The following D2HGDH variants were observed in gnomAD, a reference collection of about 807,000 sequenced individuals.
D2HGDH encodes the protein D-2-hydroxyglutarate dehydrogenase, mitochondrial.
Under a neutral mutation model 46.9 loss-of-function variants are expected in D2HGDH, and 31 were observed. That is an observed-to-expected ratio of 0.66 (90% confidence interval 0.50 to 0.89). The LOEUF is 0.89. Among genes scored for constraint, D2HGDH ranks in the 40% least tolerant of loss-of-function variants. The probability of loss-of-function intolerance (pLI) is 0.00; values close to 1 mark genes in which losing one functional copy is unlikely to be tolerated. For missense variants in D2HGDH, 698 were observed against 720.8 expected (o/e 0.97, Z 0.36); for synonymous variants, 364 against 332.6 (o/e 1.09, Z -1.03).
At chr2:241,740,666 G>A (rs1311954012) in intron 2 of D2HGDH, among the ~76,000 whole-genome samples, 1 of 152,210 alleles carries the variant, frequency 6.6e-6, no homozygotes. Flanking sequence ...CTCTCTGGGG[G>A]CTGGGCATGG....
intron 5 of D2HGDH, among the ~76,000 whole-genome samples, 190 bp from the exon 6 acceptor site, chr2:241,744,519 G>A (rs947470497): frequency 1.3e-5 from 2 of 152,192 alleles, no homozygotes; most frequent in Non-Finnish European, 2.9e-5. Flanking sequence ...CACTGCCCCC[G>A]ACCCCGGGCG....
In D2HGDH at chr2:241,768,783, T is replaced by TGTCCA. The variant is rs1699343232; in HGVS notation, c.*817_*821dup. On this transcript the variant is annotated 3_prime_UTR_variant, in exon 10 of 10. Transcript: ENST00000321264. ...GATGCACATCTCATTCTGTCATGAATGTCCAGTAAAAATCTGAATTGGTTG... is the reference window on the plus strand; with the variant it reads ...GATGCACATCTCATTCTGTCATGAATGTCCAGTCCAGTAAAAATCTGAATTGGTTG... 1 of 152,276 alleles carries TGTCCA rather than the reference T, an allele frequency of 6.6e-6. No individual in the cohort carries two copies. The highest frequency in any genetic ancestry group is 1.5e-5 in the Non-Finnish European group (1 of 68,068). The allele number at this position is 152,276 out of a possible 1,614,324, so 9.4% of individuals were successfully genotyped here.
intron 6 of D2HGDH, among the ~76,000 whole-genome samples, chr2:241,746,377 AG>A (rs1490813021): frequency 1.3e-5 from 2 of 152,158 alleles, no homozygotes; most frequent in African/African-American, 4.8e-5. Flanking sequence ...TGATTATGAA[AG>A]TTTTTATTTC....
intron 5 of D2HGDH, among the ~76,000 whole-genome samples, chr2:241,744,022 G>A (rs1695225846): frequency 6.6e-6 from 1 of 152,230 alleles, no homozygotes; most frequent in Admixed American, 6.5e-5. Flanking sequence ...ACGAGAGGGT[G>A]ATTTTGTGTC....
intron 2 of D2HGDH, 34 bp from the exon 3 acceptor site, chr2:241,740,999 C>A (rs778721523): frequency 1.8e-5 from 29 of 1,596,126 alleles, no homozygotes; most frequent in African/African-American, 4.0e-5. Flanking sequence ...CAGCTCCCCC[C>A]ACGCTGTCTC....
Position 241,767,999 on chromosome 2 carries a change from T to C in D2HGDH, c.*30T>C, listed in dbSNP as rs777156202. 6.4e-7 allele frequency: 1 copy of C among 1,562,266 alleles called. No individual in the cohort carries two copies. ...CACTCCTGCTGCTGCCAAGGCCCACTGGGGGTCGGCGGGTGGCTCTCGGGC... is the reference window on the plus strand; with the variant it reads ...CACTCCTGCTGCTGCCAAGGCCCACCGGGGGTCGGCGGGTGGCTCTCGGGC... On this transcript the variant is annotated 3_prime_UTR_variant, in exon 10 of 10. Transcript: ENST00000321264.
At position 241,744,972 on chromosome 2, in the gene D2HGDH, A is replaced by ACCCCCCC. The variant is rs368566208; in HGVS notation, c.853+101_853+102insCCCCCCC. The stretch of plus-strand genomic sequence containing the variant: ...TTGGTGTGAGGAAGGGGATGGAGGG[A>ACCCCCCC]CCCCCCGCCAAGGACAGTCGGTTCC... On this transcript the variant is annotated intron_variant, in intron 6 of 9. Transcript: ENST00000321264. 62 of 1,344,044 alleles carry ACCCCCCC rather than the reference A, an allele frequency of 4.6e-5. No homozygotes were observed. The African/African-American group carries it at 8.8e-4, about 19-fold the overall frequency. The allele number at this position is 1,344,044 out of a possible 1,614,324, so 83.3% of individuals were successfully genotyped here. A position where few individuals can be genotyped will look rare whatever the true frequency, so the allele number is the denominator to read the frequency against.
intron 2 of D2HGDH, chr2:241,736,190 A>AAAAT (rs1436373835): frequency 2.0e-5 from 3 of 152,380 alleles, no homozygotes; most frequent in African/African-American, 7.2e-5. Flanking sequence ...TCTAAAAATA[A>AAAAT]AAATAAATAA....
At chr2:241,760,898 C>T (rs1485955126) in intron 9 of D2HGDH, among the ~76,000 whole-genome samples, 2 of 152,352 alleles carry the variant, frequency 1.3e-5, no homozygotes, top group African/African-American at 2.4e-5. Context: ...TGTCATCTCC[C>T]TGTGTCTCAG....
intron 6 of D2HGDH, among the ~76,000 whole-genome samples, chr2:241,746,833 G>C (rs1031311464): frequency 6.6e-6 from 1 of 151,692 alleles, no homozygotes; most frequent in African/African-American, 2.4e-5. Context: ...GGTTACAGTG[G>C]GCTGAGATCA....
intron 5 of D2HGDH, among the ~76,000 whole-genome samples, chr2:241,744,032 C>T (rs1165593240): frequency 6.6e-6 from 1 of 152,200 alleles, no homozygotes; most frequent in Non-Finnish European, 1.5e-5. Context: ...GATTTTGTGT[C>T]CACTGCCTCG....
Position 241,743,947 on chromosome 2 carries a change from C to T in D2HGDH, c.684+132C>T, listed in dbSNP as rs1336658619. The T allele has an allele frequency of 1.8e-5, 18 of 1,026,004 alleles. No individual in the cohort carries two copies. Among genetic ancestry groups the T allele is most frequent in the Non-Finnish European group, 2.6e-5 (18 of 700,418 alleles). 63.6% of individuals were successfully genotyped at this position (1,026,004 alleles called of 1,614,324 possible). On this transcript the variant is annotated intron_variant, in intron 5 of 9. Coordinates refer to ENST00000321264, the MANE Select transcript of D2HGDH (RefSeq NM_152783.5). The surrounding 1 kb of genome is among the most constrained non-coding windows in gnomAD (Gnocchi z 4.8). ...GGTCTTGGTTCCTGGCCCTGGGCCCCTCAAGGATGTGTGGGCTACATACAC... is the reference window on the plus strand; with the variant it reads ...GGTCTTGGTTCCTGGCCCTGGGCCCTTCAAGGATGTGTGGGCTACATACAC...
At position 241,742,539 on chromosome 2, in the gene D2HGDH, G is replaced by A. The variant is rs374397125; in HGVS notation, c.455G>A (p.Arg152His). Residue 152 changes from arginine to histidine, a missense_variant, in exon 4 of 10, where the codon CGC becomes CAC. Arg to His is a conservative substitution (Grantham distance 29). Coordinates refer to ENST00000321264, the MANE Select transcript of D2HGDH (RefSeq NM_152783.5). The surrounding 1 kb of genome is among the most constrained non-coding windows in gnomAD (Gnocchi z 4.8). ...VFDEIILSTARMNRVLSFHSV... is the reference protein window; with the variant it reads ...VFDEIILSTAHMNRVLSFHSV... ...GACGAGATCATCCTCTCCACTGCCCGCATGAACCGGGTCCTCAGCTTCCAC... is the reference window on the plus strand; with the variant it reads ...GACGAGATCATCCTCTCCACTGCCCACATGAACCGGGTCCTCAGCTTCCAC... 6.1e-5 allele frequency: 98 copies of A among 1,613,978 alleles called. No individual in the cohort carries two copies. The highest frequency in any genetic ancestry group is 8.0e-5 in the African/African-American group (6 of 74,902).
rs1447974442 is a variant in D2HGDH, at chr2:241,744,768, C to G, written c.744C>G (p.Gly248=). 1.2e-6 allele frequency: 2 copies of G among 1,614,232 alleles called. No homozygotes were observed. Among genetic ancestry groups the G allele is most frequent in the South Asian group, 1.1e-5 (1 of 91,086 alleles). The change falls in exon 6 of 10, where the codon GGC becomes GGG. Residue 248 remains glycine, a synonymous_variant. Coordinates refer to ENST00000321264, the MANE Select transcript of D2HGDH (RefSeq NM_152783.5). ...CCTCCCTGAGGAAGGACAACACGGG[C>G]TATGACCTGAAGCAGCTGTTCATCG... ...CLTSLRKDNT[G]YDLKQLFIGS...
intron 9 of D2HGDH, among the ~76,000 whole-genome samples, chr2:241,756,831 T>G (rs1249971346): frequency 6.6e-6 from 1 of 152,158 alleles, no homozygotes; most frequent in Non-Finnish European, 1.5e-5. Context: ...TGTTTTCCTG[T>G]CAGTTCTTTG....
chr2:241,761,686 G>T (rs1415448275), intron 9 of D2HGDH, among the ~76,000 whole-genome samples: 1 of 152,176 alleles, frequency 6.6e-6, no homozygotes, highest in Non-Finnish European at 1.5e-5. Flanking sequence ...CCTGCATGCT[G>T]TTCGGTGGTG....
In D2HGDH at chr2:241,767,878, CG is replaced by C. The variant is rs1488853142; in HGVS notation, c.1480del (p.Ala494ProfsTer186). On this transcript the variant is annotated frameshift_variant, in exon 10 of 10. Transcript: ENST00000321264. LOFTEE classifies it high-confidence loss of function. ...KRDVLGYSKP[P>X]GALQLMQQLK... ...GACGTCCTGGGCTACAGCAAGCCAC[CG>C]GGGGCCCTGCAGCTCATGCAGCAGC... 1.9e-6 allele frequency: 3 copies of C among 1,608,692 alleles called. No homozygotes were observed. The highest frequency in any genetic ancestry group is 1.7e-6 in the Non-Finnish European group (2 of 1,178,040).
rs1342968379 is a variant in D2HGDH, at chr2:241,742,545, A to G, written c.461A>G (p.Asn154Ser). Residue 154 changes from asparagine to serine, a missense_variant, in exon 4 of 10, where the codon AAC becomes AGC. Coordinates refer to ENST00000321264, the MANE Select transcript of D2HGDH (RefSeq NM_152783.5). The surrounding 1 kb of genome is among the most constrained non-coding windows in gnomAD (Gnocchi z 4.8). ...DEIILSTARM[N>S]RVLSFHSVSG... is the part of the protein sequence containing the mutation. ...ATCATCCTCTCCACTGCCCGCATGA[A>G]CCGGGTCCTCAGCTTCCACAGCGTG... The G allele has an allele frequency of 1.9e-6, 3 of 1,613,926 alleles. No individual in the cohort carries two copies. Among genetic ancestry groups the G allele is most frequent in the Non-Finnish European group, 2.5e-6 (3 of 1,180,010 alleles).
intron 6 of D2HGDH, among the ~76,000 whole-genome samples, chr2:241,747,075 T>C (rs1230732019): frequency 5.3e-5 from 8 of 151,922 alleles, no homozygotes; most frequent in Admixed American, 1.3e-4. Flanking sequence ...GTAGCTGGGA[T>C]TACAGGTGCA....
Sources: gnomAD v4.1 joint callset for allele counts (sites outside exome capture counted in the v4.1 genomes callset) on GRCh38, gnomAD v4.1.1 for gene constraint, Gnocchi (gnomAD v3.1) non-coding constraint, MANE v1.5 for transcripts, NCBI Gene and HGNC (gene_info 2026-07-23, HGNC 2026-07-21) for gene names.